STK33: variants seen among roughly 807,000 people sequenced by gnomAD.
STK33 encodes the protein serine/threonine kinase 33.
In STK33, 52 loss-of-function variants were observed where a neutral mutation model predicts 58.0. The observed-to-expected ratio is 0.90, with a 90% CI of 0.72 to 1.13. STK33 has a LOEUF of 1.13. STK33 is among the 50% of genes most tolerant of loss of function. The pLI is 0.00. For missense variants in STK33, 630 were observed against 604.2 expected, an observed-to-expected ratio of 1.04 and a Z score of -0.45; for synonymous variants, 215 against 200.1, an observed-to-expected ratio of 1.07 and a Z score of -0.63.
At chr11:8,529,477 T>C (rs1954336996) in intron 1 of STK33, among the ~76,000 whole-genome samples, 1 of 152,148 alleles carries the variant, frequency 6.6e-6, no homozygotes, top group South Asian at 2.1e-4. Flanking sequence ...GAGAGATTTA[T>C]GGGCCCCTCT....
chr11:8,413,143 T>C lies in STK33; in HGVS notation c.1344+352A>G, dbSNP rs138886996. On this transcript the variant is annotated intron_variant, in intron 15 of 15. Coordinates refer to ENST00000687296, the MANE Select transcript of STK33 (RefSeq NM_001352389.2). ...GGGAAAAAATAGTTGAGTTGGAACA[T>C]GGCCACACTCATTCATTTGTTGTCT... Among the ~76,000 whole-genome samples the C allele has an allele frequency of 2.8e-4, 43 of 152,334 alleles. No homozygotes were observed. In the East Asian group the frequency reaches 7.1e-3, roughly 25 times the overall value.
chr11:8,389,092 G>C (rs1848583431), downstream of STK33, among the ~76,000 whole-genome samples: 1 of 151,528 alleles, frequency 6.6e-6, no homozygotes. Context: ...CTTAAATGCG[G>C]AAGCTGAGGA....
At chr11:8,393,961 C>T (rs1200451101) in intron 15 of STK33, among the ~76,000 whole-genome samples, 1 of 152,058 alleles carries the variant, frequency 6.6e-6, no homozygotes, top group South Asian at 2.1e-4. Flanking sequence ...TTCAGAACAT[C>T]ACTCGTGTCT....
chr11:8,445,669 T>C (rs1485533665), intron 11 of STK33, among the ~76,000 whole-genome samples: 1 of 152,232 alleles, frequency 6.6e-6, no homozygotes, highest in Non-Finnish European at 1.5e-5. Flanking sequence ...TCTGTTTACG[T>C]GGTGGATTAC....
At chr11:8,507,515 C>T (rs115040760) in intron 1 of STK33, among the ~76,000 whole-genome samples, 4,316 of 152,022 alleles carry the variant, frequency 0.028, 204 homozygotes, top group African/African-American at 0.097. Context: ...CACTACCCAG[C>T]GAAGAGTCTT....
chr11:8,510,865 C>T (rs959709625), intron 1 of STK33, among the ~76,000 whole-genome samples: 2 of 152,084 alleles, frequency 1.3e-5, no homozygotes, highest in Admixed American at 1.3e-4. Context: ...GGTCTACATG[C>T]CCATTTTTAT....
intron 1 of STK33, among the ~76,000 whole-genome samples, chr11:8,530,816 G>A (rs184402015): frequency 1.3e-5 from 2 of 152,274 alleles, no homozygotes; most frequent in Admixed American, 1.3e-4. Context: ...CAGCCTCTCT[G>A]AGTTGCTGGG....
chr11:8,498,099 A>C (rs1427288344), intron 1 of STK33, among the ~76,000 whole-genome samples: 4 of 152,232 alleles, frequency 2.6e-5, no homozygotes, highest in African/African-American at 9.6e-5. Context: ...GCAATAATCC[A>C]ACACATTATT....
At chr11:8,408,006 A>T (rs1457119528) in intron 15 of STK33, among the ~76,000 whole-genome samples, 2 of 152,238 alleles carry the variant, frequency 1.3e-5, no homozygotes, top group African/African-American at 4.8e-5. Flanking sequence ...GTTCATCAGA[A>T]AAAATGATCA....
At chr11:8,478,038 C>T (rs1344194309) in intron 2 of STK33, among the ~76,000 whole-genome samples, 2 of 152,178 alleles carry the variant, frequency 1.3e-5, no homozygotes, top group Admixed American at 6.5e-5. Flanking sequence ...TTCTTTTTGG[C>T]TGGCTGAATT....
At chr11:8,413,202 G>A (rs1407084519) in intron 15 of STK33, among the ~76,000 whole-genome samples, 1 of 152,182 alleles carries the variant, frequency 6.6e-6, no homozygotes, top group Non-Finnish European at 1.5e-5. Context: ...TCAGAGATGA[G>A]TAGTTGTGAC....
At chr11:8,348,413 G>A in the STK33 span, among the ~76,000 whole-genome samples, 4 of 152,150 alleles carry the variant, frequency 2.6e-5, no homozygotes, top group Admixed American at 6.5e-5. Context: ...AGAGCCAAGC[G>A]AAAGGGGAAG....
chr11:8,544,234 C>T lies in STK33; in HGVS notation c.-466+49849G>A, dbSNP rs558058335. 3.3e-5 allele frequency among the ~76,000 whole-genome samples: 5 copies of T among 150,716 alleles called. No individual in the cohort carries two copies. In the Middle Eastern group the frequency reaches 0.01, roughly 314 times the overall value. ...GTCCATGTGTTCTCATTGTTCAACT[C>T]CCACTTATAAGACTCTGGCATTCCC... On this transcript the variant is annotated intron_variant, in intron 1 of 15. Coordinates refer to ENST00000687296, the MANE Select transcript of STK33 (RefSeq NM_001352389.2).
At chr11:8,354,748 G>A in the STK33 span, among the ~76,000 whole-genome samples, 1 of 152,238 alleles carries the variant, frequency 6.6e-6, no homozygotes, top group African/African-American at 2.4e-5. Flanking sequence ...AGCAGCTGGG[G>A]CTGGGGAAGC....
chr11:8,371,748 T>C, the STK33 span, among the ~76,000 whole-genome samples: 15 of 119,346 alleles, frequency 1.3e-4, no homozygotes, highest in African/African-American at 4.2e-4. Context: ...TCCCTCCCTC[T>C]CTCCCTCCCT....
intron 1 of STK33, among the ~76,000 whole-genome samples, chr11:8,587,323 T>C (rs1316639767): frequency 6.6e-6 from 1 of 152,176 alleles, no homozygotes; most frequent in Non-Finnish European, 1.5e-5. Flanking sequence ...TTACCTATGA[T>C]ATTTGCTTTT....
chr11:8,381,316 G>A, the STK33 span, among the ~76,000 whole-genome samples: 45 of 152,170 alleles, frequency 3.0e-4, no homozygotes, highest in Admixed American at 4.6e-4. Flanking sequence ...AAAGGCAGTT[G>A]TGGGGACTGC....
intron 11 of STK33, among the ~76,000 whole-genome samples, chr11:8,441,620 T>G (rs1310574285): frequency 1.3e-5 from 2 of 152,084 alleles, no homozygotes; most frequent in Admixed American, 1.3e-4. Flanking sequence ...GCCTCCTGAA[T>G]AGGTGGGATT....
At chr11:8,533,934 T>A (rs1954752985) in intron 1 of STK33, among the ~76,000 whole-genome samples, 2 of 152,284 alleles carry the variant, frequency 1.3e-5, no homozygotes, top group South Asian at 4.1e-4. Flanking sequence ...TCAAATTGTA[T>A]CTAGCATGGA....
Sources: gnomAD v4.1 joint callset for allele counts (sites outside exome capture counted in the v4.1 genomes callset) on GRCh38, gnomAD v4.1.1 for gene constraint, MANE v1.5 for transcripts, NCBI Gene and HGNC (gene_info 2026-07-23, HGNC 2026-07-21) for gene names.